NR1H4: variants seen among roughly 807,000 people sequenced by gnomAD.
NR1H4 encodes the protein bile acid receptor.
A neutral mutation model predicts 58.5 loss-of-function variants in NR1H4; 23 were observed. That is an observed-to-expected ratio of 0.39 (90% CI 0.28 to 0.56). NR1H4 has a LOEUF of 0.56. Ranked by LOEUF, NR1H4 falls within the 20% of genes least tolerant of loss-of-function variation. The pLI, the probability that NR1H4 is intolerant of heterozygous loss-of-function variation, is 0.58. For missense variants in NR1H4, 487 were observed against 576.9 expected (o/e 0.84, Z 1.60); for synonymous variants, 214 against 198.0 (o/e 1.08, Z -0.68).
rs1955530377 is a variant in NR1H4 at position 100,564,144 on chromosome 12, G to A, written c.*655G>A. 1 of 152,376 alleles carries A rather than the reference G, an allele frequency of 6.6e-6. No individual in the cohort carries two copies. Among genetic ancestry groups the A allele is most frequent in the South Asian group, 2.1e-4 (1 of 4,836 alleles). 9.4% of individuals were successfully genotyped at this position (152,376 alleles called of 1,614,324 possible). ...CCTTTCCCCCATAGTTAGTCTTGAGGCAGGATTCACAAATTCAGAGTATGC... is the reference window on the plus strand; with the variant it reads ...CCTTTCCCCCATAGTTAGTCTTGAGACAGGATTCACAAATTCAGAGTATGC... On this transcript the variant is annotated 3_prime_UTR_variant, in exon 11 of 11. Coordinates refer to ENST00000392986, the MANE Select transcript of NR1H4 (RefSeq NM_001206979.2).
At chr12:100,516,710 T>C (rs935805940) in intron 4 of NR1H4, among the ~76,000 whole-genome samples, 1 of 152,188 alleles carries the variant, frequency 6.6e-6, no homozygotes, top group Non-Finnish European at 1.5e-5. Context: ...AAACATTCTC[T>C]CTGATCTTTA....
intron 8 of NR1H4, 41 bp downstream of exon 8, chr12:100,537,088 T>C (rs1287028476): frequency 8.4e-7 from 1 of 1,193,118 alleles, no homozygotes; most frequent in Non-Finnish European, 1.2e-6. Flanking sequence ...ATTGAGAGTT[T>C]AAATATGTGC....
intron 9 of NR1H4, among the ~76,000 whole-genome samples, chr12:100,553,318 G>A (rs1288687558): frequency 6.6e-6 from 1 of 152,182 alleles, no homozygotes; most frequent in African/African-American, 2.4e-5. Flanking sequence ...CTTATAAAAT[G>A]TATATGGTAT....
intron 4 of NR1H4, among the ~76,000 whole-genome samples, chr12:100,526,584 C>G (rs567141596): frequency 6.6e-6 from 1 of 152,146 alleles, no homozygotes; most frequent in African/African-American, 2.4e-5. Context: ...CAGGATCGTG[C>G]GCAAACCTCA....
In NR1H4 at chr12:100,563,494, G is replaced by A; in HGVS notation, c.*5G>A. On this transcript the variant is annotated 3_prime_UTR_variant, in exon 11 of 11. Transcript: ENST00000392986. ...GAAATCTGGGACGTGCAGTGATGGG[G>A]ATTACAGGGGAGGGGTCTAGCTCCT... is the stretch of plus-strand genomic sequence containing the variant. 1.9e-6 allele frequency: 3 copies of A among 1,604,118 alleles called. No individual in the cohort carries two copies. Among genetic ancestry groups the A allele is most frequent in the Non-Finnish European group, 2.6e-6 (3 of 1,170,868 alleles).
At chr12:100,545,461 G>A (rs1179739672) in intron 9 of NR1H4, among the ~76,000 whole-genome samples, 1 of 151,508 alleles carries the variant, frequency 6.6e-6, no homozygotes, top group East Asian at 1.9e-4. Context: ...GCCACAGAGC[G>A]AGACTCCATC....
intron 1 of NR1H4, among the ~76,000 whole-genome samples, chr12:100,483,986 A>G (rs1031140737): frequency 3.8e-5 from 4 of 104,920 alleles, no homozygotes; most frequent in Admixed American, 2.5e-4. Flanking sequence ...TCTGTCTCAG[A>G]AAAAAAAAAA....
intron 6 of NR1H4, among the ~76,000 whole-genome samples, chr12:100,536,027 T>G (rs1432323429): frequency 6.6e-6 from 1 of 152,230 alleles, no homozygotes; most frequent in Non-Finnish European, 1.5e-5. Context: ...TAAAACTTTA[T>G]AAAATCCAAT....
intron 9 of NR1H4, among the ~76,000 whole-genome samples, chr12:100,545,554 G>T (rs1052786271): frequency 6.8e-6 from 1 of 147,388 alleles, no homozygotes. Context: ...AGGTGGGAGG[G>T]TCTCTAGAGC....
At chr12:100,545,526 C>T (rs1224565006) in intron 9 of NR1H4, among the ~76,000 whole-genome samples, 1 of 150,442 alleles carries the variant, frequency 6.6e-6, no homozygotes, top group African/African-American at 2.4e-5. Flanking sequence ...TCTGTAATCT[C>T]AGCTAGTTGA....
chr12:100,485,658 G>A (rs555533886), intron 1 of NR1H4, among the ~76,000 whole-genome samples: 29 of 151,834 alleles, frequency 1.9e-4, no homozygotes, highest in East Asian at 1.2e-3. Flanking sequence ...TCAGCCTCCC[G>A]AGTAGCTGGG....
intron 9 of NR1H4, among the ~76,000 whole-genome samples, chr12:100,560,859 G>A (rs1042890386): frequency 1.3e-5 from 2 of 152,198 alleles, no homozygotes; most frequent in African/African-American, 4.8e-5. Context: ...TGAGAGTGAG[G>A]AGGAGAAGCC....
At chr12:100,506,288 C>G (rs2136140448) in intron 3 of NR1H4, among the ~76,000 whole-genome samples, 1 of 152,264 alleles carries the variant, frequency 6.6e-6, no homozygotes, top group Middle Eastern at 3.4e-3. Context: ...GAGATAGCAA[C>G]AGTCCCATTT....
chr12:100,502,328 A>G (rs1335218504), intron 3 of NR1H4, among the ~76,000 whole-genome samples: 2 of 152,160 alleles, frequency 1.3e-5, no homozygotes, highest in Non-Finnish European at 2.9e-5. Context: ...AAATTATCCC[A>G]TAGTTCTGGA....
rs74501150 is a variant in NR1H4, at chr12:100,506,902, A to G, written c.80-3876A>G. Reference sequence around the variant, plus strand: ...GCATGATATTATCTATATCTTTGTGAAAGCTTTCCATTTTGATCTAGATTA... The same window carrying G: ...GCATGATATTATCTATATCTTTGTGGAAGCTTTCCATTTTGATCTAGATTA... On this transcript the variant is annotated intron_variant, in intron 3 of 10. Coordinates refer to ENST00000392986, the MANE Select transcript of NR1H4 (RefSeq NM_001206979.2). Among the ~76,000 whole-genome samples, 918 of 152,346 alleles carry G rather than the reference A, an allele frequency of 6.0e-3. 6 individuals are homozygous for G. The highest frequency in any genetic ancestry group is 0.021 in the African/African-American group (883 of 41,562).
chr12:100,518,276 G>A (rs929162904), intron 4 of NR1H4, among the ~76,000 whole-genome samples: 40 of 152,182 alleles, frequency 2.6e-4, no homozygotes, highest in African/African-American at 9.4e-4. Flanking sequence ...GGGAAGAGAA[G>A]CCCACAAAGG....
chr12:100,538,184 A>G (rs12229407), intron 8 of NR1H4, among the ~76,000 whole-genome samples: 4,932 of 152,174 alleles, frequency 0.032, 337 homozygotes, highest in East Asian at 0.3. Flanking sequence ...TAATCTGTGT[A>G]CCCTGGACAG....
chr12:100,486,594 A>G (rs549229319), intron 1 of NR1H4, among the ~76,000 whole-genome samples: 2 of 152,354 alleles, frequency 1.3e-5, no homozygotes, highest in African/African-American at 4.8e-5. Context: ...AAACTCCCAA[A>G]GAAACTTTTC....
At chr12:100,499,053 C>A (rs1470485479) in intron 3 of NR1H4, among the ~76,000 whole-genome samples, 1 of 152,222 alleles carries the variant, frequency 6.6e-6, no homozygotes, top group Non-Finnish European at 1.5e-5. Flanking sequence ...TCCTCAGCCT[C>A]TTCATGCTTT....
Sources: allele counts gnomAD v4.1 joint callset (sites outside exome capture counted in the v4.1 genomes callset), GRCh38; gene constraint gnomAD v4.1.1; transcripts MANE v1.5; gene names NCBI Gene and HGNC (gene_info 2026-07-23, HGNC 2026-07-21).